The following BCHE variants were observed in gnomAD, a reference collection of about 807,000 sequenced individuals.
BCHE encodes the protein cholinesterase.
A neutral mutation model predicts 51.3 loss-of-function variants in BCHE; 48 were observed. That is an observed-to-expected ratio of 0.94 (90% CI 0.74 to 1.19). The LOEUF (loss-of-function observed/expected upper bound fraction) is 1.19, where lower values mean the gene tolerates loss of function less well. BCHE is among the 50% of genes most tolerant of loss of function. The pLI is 0.00. For missense variants in BCHE, 847 were observed against 708.2 expected (o/e 1.20, Z -2.23); for synonymous variants, 251 against 238.0 (o/e 1.05, Z -0.50).
At chr3:165,791,643 C>T (rs971359892) in intron 2 of BCHE, among the ~76,000 whole-genome samples, 4 of 152,048 alleles carry the variant, frequency 2.6e-5, no homozygotes, top group African/African-American at 9.7e-5. Flanking sequence ...AAGAAGAGCA[C>T]GTTTGGAATG....
intron 2 of BCHE, among the ~76,000 whole-genome samples, chr3:165,815,461 T>C (rs1026611802): frequency 6.6e-6 from 1 of 152,090 alleles, no homozygotes; most frequent in African/African-American, 2.4e-5. Context: ...AATATCCTTA[T>C]CAACACCTGT....
intron 3 of BCHE, among the ~76,000 whole-genome samples, chr3:165,782,452 C>T (rs936033057): frequency 6.6e-6 from 1 of 151,764 alleles, no homozygotes. Flanking sequence ...TTTTTGAGTT[C>T]ACTTCTTTGT....
intron 2 of BCHE, among the ~76,000 whole-genome samples, chr3:165,801,864 A>T (rs1185091653): frequency 1.3e-5 from 2 of 152,150 alleles, no homozygotes; most frequent in African/African-American, 4.8e-5. Context: ...ATTCTTATAC[A>T]TGGTGATTCA....
rs1292627800 is a variant in BCHE at position 165,773,251 on chromosome 3, A to T, written c.*131T>A. ...AAAATACTAAGTTAAAGATGTGAGG[A>T]ATCAATATTATCCTTCTGGCATTTT... On this transcript the variant is annotated 3_prime_UTR_variant, in exon 4 of 4. Coordinates refer to ENST00000264381, the MANE Select transcript of BCHE (RefSeq NM_000055.4). The T allele has an allele frequency of 1.2e-6, 1 of 801,474 alleles. No homozygotes were observed. The highest frequency in any genetic ancestry group is 1.8e-5 in the South Asian group (1 of 55,480). 49.6% of individuals were successfully genotyped at this position (801,474 alleles called of 1,614,324 possible). A position where few individuals can be genotyped will look rare whatever the true frequency, so the allele number is the denominator to read the frequency against.
intron 2 of BCHE, among the ~76,000 whole-genome samples, chr3:165,800,072 A>G (rs1035942461): frequency 6.6e-6 from 1 of 152,076 alleles, no homozygotes; most frequent in African/African-American, 2.4e-5. Context: ...TTCTATTCTT[A>G]AATTATTTCA....
chr3:165,777,877 CTT>C (rs1008794537), intron 3 of BCHE: 8 of 349,444 alleles, frequency 2.3e-5, no homozygotes, highest in African/African-American at 1.3e-4. Context: ...TATTTTCTCT[CTT>C]ATGATTTTCA....
At chr3:165,791,349 A>T (rs960704590) in intron 2 of BCHE, among the ~76,000 whole-genome samples, 3 of 152,258 alleles carry the variant, frequency 2.0e-5, no homozygotes, top group South Asian at 2.1e-4. Context: ...TTAAAAGATC[A>T]TCTGTCTGTA....
intron 3 of BCHE, among the ~76,000 whole-genome samples, chr3:165,776,359 C>A (rs1712471307): frequency 6.6e-6 from 1 of 151,782 alleles, no homozygotes; most frequent in African/African-American, 2.4e-5. Context: ...TTCAGAGATA[C>A]AAAGAAAGAA....
At position 165,812,333 on chromosome 3, in the gene BCHE, T is replaced by C. The variant is rs111944142; in HGVS notation, c.1517+17184A>G. On this transcript the variant is annotated intron_variant, in intron 2 of 3. Coordinates refer to ENST00000264381, the MANE Select transcript of BCHE (RefSeq NM_000055.4). ...TACGTTTATCATGTATTTTATCAAA[T>C]CTTTATCACACAGTTTATCAAGTAT... Among the ~76,000 whole-genome samples the C allele has an allele frequency of 5.3e-5, 8 of 151,556 alleles. 1 individual carries two copies. Among genetic ancestry groups the C allele is most frequent in the African/African-American group, 1.9e-4 (8 of 41,408 alleles).
intron 2 of BCHE, among the ~76,000 whole-genome samples, chr3:165,808,584 T>C (rs1417204203): frequency 1.3e-5 from 2 of 152,186 alleles, no homozygotes; most frequent in African/African-American, 4.8e-5. Context: ...TTTGGTTTTT[T>C]ATAAACATGA....
chr3:165,827,035 A>T (rs1714747354), intron 2 of BCHE, among the ~76,000 whole-genome samples: 1 of 152,140 alleles, frequency 6.6e-6, no homozygotes, highest in Admixed American at 6.6e-5. Flanking sequence ...GCCCTTGGAA[A>T]TTACAGATTT....
At chr3:165,836,118 A>T (rs1715178658) in intron 1 of BCHE, among the ~76,000 whole-genome samples, 1 of 152,100 alleles carries the variant, frequency 6.6e-6, no homozygotes, top group East Asian at 1.9e-4. Flanking sequence ...ACAATTAAAA[A>T]ACTAGGACAA....
chr3:165,831,842 C>T (rs1714999959), intron 1 of BCHE, among the ~76,000 whole-genome samples: 1 of 151,956 alleles, frequency 6.6e-6, no homozygotes, highest in Non-Finnish European at 1.5e-5. Flanking sequence ...TAGAGAGAAC[C>T]AGGGGCTAGC....
At chr3:165,834,069 C>T (rs1055386560) in intron 1 of BCHE, among the ~76,000 whole-genome samples, 1 of 152,038 alleles carries the variant, frequency 6.6e-6, no homozygotes, top group Non-Finnish European at 1.5e-5. Context: ...ACTTGTTCTA[C>T]AAACAGTTTA....
chr3:165,776,833 A>G (rs1337419864), intron 3 of BCHE, among the ~76,000 whole-genome samples: 3 of 151,776 alleles, frequency 2.0e-5, no homozygotes, highest in East Asian at 3.9e-4. Flanking sequence ...CTCTTTATTC[A>G]TACTACAATG....
At chr3:165,827,458 A>T (rs929086264) in intron 2 of BCHE, among the ~76,000 whole-genome samples, 1 of 151,578 alleles carries the variant, frequency 6.6e-6, no homozygotes, top group Admixed American at 6.6e-5. Context: ...TAATTAAATA[A>T]TTAAGTATTA....
rs750000733 is a variant in BCHE, at chr3:165,829,944, C to A, written c.1090G>T (p.Gly364Cys). 6.2e-7 allele frequency: 1 copy of A among 1,613,602 alleles called. No individual in the cohort carries two copies. Among genetic ancestry groups the A allele is most frequent in the Non-Finnish European group, 8.5e-7 (1 of 1,179,834 alleles). The change falls in exon 2 of 4, where the codon GGC (glycine) becomes TGC (cysteine). Residue 364 changes from glycine to cysteine, a missense_variant. Gly to Cys is a radical substitution (Grantham distance 159). Transcript: ENST00000264381. The part of the protein sequence containing the change: ...GTAFLVYGAP[G>C]FSKDNNSIIT... ...ATACTATTGTTATCTTTGCTGAAGC[C>A]AGGAGCACCATAGACTAAAAAAGCT...
intron 2 of BCHE, among the ~76,000 whole-genome samples, chr3:165,800,877 TTAA>T (rs1377967719): frequency 5.3e-5 from 8 of 152,130 alleles, no homozygotes; most frequent in Non-Finnish European, 1.0e-4. Context: ...TGATTGGAGA[TTAA>T]TAATAAATAA....
chr3:165,829,533 T>C lies in BCHE; in HGVS notation c.1501A>G (p.Asn501Asp), dbSNP rs772540228. Residue 501 changes from asparagine (N) to aspartate (D), a missense_variant, in exon 2 of 4, where the codon AAT (asparagine) becomes GAT (aspartate). Asn to Asp is a conservative substitution (Grantham distance 23). Coordinates refer to ENST00000264381, the MANE Select transcript of BCHE (RefSeq NM_000055.4). ...AGCACTTACCCATATTTTGCAAAAT[T>C]TGCCCACCGTTTCACTATGGATCTA... ...LSRSIVKRWANFAKYGNPNET... is the reference protein window; with the variant it reads ...LSRSIVKRWADFAKYGNPNET... The C allele has an allele frequency of 1.2e-6, 2 of 1,613,484 alleles. No homozygotes were observed. The highest frequency in any genetic ancestry group is 1.7e-6 in the Non-Finnish European group (2 of 1,179,712).
Sources: allele counts gnomAD v4.1 joint callset (sites outside exome capture counted in the v4.1 genomes callset), GRCh38; gene constraint gnomAD v4.1.1; transcripts MANE v1.5; gene names NCBI Gene and HGNC (gene_info 2026-07-23, HGNC 2026-07-21).